Variants in AP2A1 observed in about 807,000 individuals in gnomAD.
The protein encoded by AP2A1 is AP-2 complex subunit alpha-1.
A neutral mutation model predicts 107.3 loss-of-function variants in AP2A1; 21 were observed. That is an observed-to-expected ratio of 0.20 (90% CI 0.14 to 0.28). The LOEUF (loss-of-function observed/expected upper bound fraction) is 0.28, where lower values mean the gene tolerates loss of function less well. Among genes scored for constraint, AP2A1 ranks in the 10% least tolerant of loss-of-function variants. The pLI is 1.00. For missense variants in AP2A1, 873 were observed against 1,307.7 expected (o/e 0.67, Z 5.13); for synonymous variants, 602 against 564.8 (o/e 1.07, Z -0.93).
chr19:49,770,896 G>C (rs893445720), intron 1 of AP2A1, among the ~76,000 whole-genome samples: 7 of 152,128 alleles, frequency 4.6e-5, no homozygotes, highest in Non-Finnish European at 7.4e-5. Flanking sequence ...CTGTCGCCCA[G>C]GCTGGAGTGC....
chr19:49,768,727 G>C (rs1472696020), intron 1 of AP2A1, among the ~76,000 whole-genome samples: 1 of 152,114 alleles, frequency 6.6e-6, no homozygotes, highest in Non-Finnish European at 1.5e-5. Flanking sequence ...GGAGGAGCTG[G>C]GAGCCACTGT....
Position 49,806,262 on chromosome 19 carries a change from T to C in AP2A1, c.2790+9T>C. 1.9e-6 allele frequency: 3 copies of C among 1,595,094 alleles called. No individual in the cohort carries two copies. Among genetic ancestry groups the C allele is most frequent in the Non-Finnish European group, 2.6e-6 (3 of 1,170,252 alleles). ...CCAATGCCCAGGCCCAGGTGAGTGC[T>C]GCTGTGGGAGGCCTGAGGCCGGCAG... On this transcript the variant is annotated intron_variant, in intron 22 of 22. Coordinates refer to ENST00000354293, the MANE Select transcript of AP2A1 (RefSeq NM_130787.3).
intron 15 of AP2A1, chr19:49,802,645 G>C: frequency 6.7e-7 from 1 of 1,494,296 alleles, no homozygotes; most frequent in Non-Finnish European, 8.9e-7. Flanking sequence ...GGGCGGACTC[G>C]GGTGTCCCCA....
Position 49,806,271 on chromosome 19 carries a change from A to G in AP2A1, c.2790+18A>G. On this transcript the variant is annotated intron_variant, in intron 22 of 22. Transcript: ENST00000354293. Reference sequence around the variant, plus strand: ...AGGCCCAGGTGAGTGCTGCTGTGGGAGGCCTGAGGCCGGCAGGAAGGCCGC... The same window carrying G: ...AGGCCCAGGTGAGTGCTGCTGTGGGGGGCCTGAGGCCGGCAGGAAGGCCGC... 6.3e-7 allele frequency: 1 copy of G among 1,581,758 alleles called. No homozygotes were observed. Among genetic ancestry groups the G allele is most frequent in the Non-Finnish European group, 8.6e-7 (1 of 1,163,222 alleles).
At chr19:49,767,248 G>T in intron 1 of AP2A1, 48 bp downstream of exon 1, 1 of 1,599,602 alleles carries the variant, frequency 6.3e-7, no homozygotes, top group Non-Finnish European at 8.5e-7. Context: ...AGGGGGGAGC[G>T]TGAAATTGAG....
rs1294492857 is a variant in AP2A1 at position 49,792,983 on chromosome 19, C to A, written c.604-8C>A. 6.3e-7 allele frequency: 1 copy of A among 1,591,870 alleles called. No individual in the cohort carries two copies. Among genetic ancestry groups the A allele is most frequent in the Non-Finnish European group, 8.6e-7 (1 of 1,169,438 alleles). ...GGGGCCTGACTTGTCTCTCCTCTGC[C>A]CCTGCAGGGTGTGGTCACGGCCGCC... On this transcript the variant is annotated splice_region_variant and splice_polypyrimidine_tract_variant and intron_variant, in intron 5 of 22. Coordinates refer to ENST00000354293, the MANE Select transcript of AP2A1 (RefSeq NM_130787.3).
At chr19:49,781,726 C>G in intron 1 of AP2A1, 31 bp from the exon 2 acceptor site, 1 of 1,565,940 alleles carries the variant, frequency 6.4e-7, no homozygotes, top group Non-Finnish European at 8.7e-7. Context: ...CCCCAGACCC[C>G]TCACTGCCTA....
chr19:49,799,671 C>T lies in AP2A1; in HGVS notation c.1177C>T (p.Leu393Phe). 6.2e-7 allele frequency: 1 copy of T among 1,612,678 alleles called. No homozygotes were observed. The highest frequency in any genetic ancestry group is 8.5e-7 in the Non-Finnish European group (1 of 1,179,888). ...CGTGCGGCAGCGGGCGGCTGACCTC[C>T]TCTACGCCATGTGTGACCGGAGCAA... ...VSVRQRAADL[L>F]YAMCDRSNAK... Residue 393 changes from leucine (L) to phenylalanine (F), a missense_variant, in exon 10 of 23, where the codon CTC becomes TTC. Physicochemically the swap from Leu to Phe is conservative, Grantham distance 22 (BLOSUM62 0). Coordinates refer to ENST00000354293, the MANE Select transcript of AP2A1 (RefSeq NM_130787.3).
rs1219732399 is a variant in AP2A1 at position 49,799,339 on chromosome 19, C to T, written c.978C>T (p.Leu326=). The change falls in exon 9 of 23, where the codon CTC becomes CTT. Residue 326 remains leucine, a synonymous_variant. Coordinates refer to ENST00000354293, the MANE Select transcript of AP2A1 (RefSeq NM_130787.3). The stretch of plus-strand genomic sequence containing the variant: ...CCCCTGCTGGCAGTGAGCCCAACCT[C>T]CTGGTTCGGGCCTGCAACCAGCTGG... The part of the protein sequence containing the change: ...LIIHYDSEPN[L]LVRACNQLGQ... The T allele has an allele frequency of 2.5e-6, 4 of 1,610,880 alleles. No homozygotes were observed. Among genetic ancestry groups the T allele is most frequent in the Non-Finnish European group, 3.4e-6 (4 of 1,179,466 alleles).
intron 6 of AP2A1, among the ~76,000 whole-genome samples, chr19:49,793,905 T>TC (rs1282204486): frequency 1.5e-5 from 2 of 132,802 alleles, no homozygotes; most frequent in Admixed American, 7.4e-5. Context: ...TTTCTTTTTT[T>TC]TTTTTTTTTT....
intron 4 of AP2A1, among the ~76,000 whole-genome samples, chr19:49,787,185 C>CTT (rs540869888): frequency 7.0e-6 from 1 of 142,348 alleles, no homozygotes. Context: ...TTTTGTATTT[C>CTT]TTTTTTTTTT....
chr19:49,793,799 A>C (rs1353850393), intron 6 of AP2A1, among the ~76,000 whole-genome samples: 1 of 151,264 alleles, frequency 6.6e-6, no homozygotes, highest in Non-Finnish European at 1.5e-5. Flanking sequence ...CAGAATTGAG[A>C]CTTAGAATAC....
chr19:49,791,113 C>T (rs960367883), intron 4 of AP2A1, among the ~76,000 whole-genome samples: 6 of 152,268 alleles, frequency 3.9e-5, no homozygotes, highest in Admixed American at 1.3e-4. Flanking sequence ...CTCCTACACA[C>T]GGGCTCCGCC....
Position 49,801,501 on chromosome 19 carries a change from C to G in AP2A1, c.1665C>G (p.Thr555=). 6.2e-7 allele frequency: 1 copy of G among 1,613,802 alleles called. No individual in the cohort carries two copies. Among genetic ancestry groups the G allele is most frequent in the South Asian group, 1.1e-5 (1 of 91,084 alleles). The change falls in exon 13 of 23, where the codon ACC becomes ACG. Residue 555 remains threonine, a synonymous_variant. Coordinates refer to ENST00000354293, the MANE Select transcript of AP2A1 (RefSeq NM_130787.3). The part of the protein sequence containing the change: ...YIKFINLFPE[T]KATIQGVLRA... The stretch of plus-strand genomic sequence containing the variant: ...AGTTCATCAACCTCTTCCCCGAGAC[C>G]AAGGCCACCATCCAGGGCGTCCTGC...
Position 49,806,979 on chromosome 19 carries a change from C to A in AP2A1, c.*221C>A, listed in dbSNP as rs752288488. On this transcript the variant is annotated 3_prime_UTR_variant, in exon 23 of 23. Transcript: ENST00000354293. ...AGTCCCCCTCCCTCCCTTTCCCCCC[C>A]AAGCACAGAGGGGAGAGGGGCCAGG... The A allele has an allele frequency of 4.2e-5, 65 of 1,530,146 alleles. No homozygotes were observed. The African/African-American group carries it at 8.5e-4, about 20-fold the overall frequency. The allele number at this position is 1,530,146 out of a possible 1,614,324, so 94.8% of individuals were successfully genotyped here.
chr19:49,803,472 CCT>C lies in AP2A1; in HGVS notation c.2344+101_2344+102del, dbSNP rs2073319332. 4 of 991,466 alleles carry C rather than the reference CCT, an allele frequency of 4.0e-6. No individual in the cohort carries two copies. The East Asian group carries it at 9.8e-5, about 24-fold the overall frequency. The allele number at this position is 991,466 out of a possible 1,614,324, so 61.4% of individuals were successfully genotyped here. Reference sequence around the variant, plus strand: ...GACCCAGGTCCACACTTCTCTTCAGCCTCTCTTGGGCACGCAATTAGTTCTCT... The same window carrying C: ...GACCCAGGTCCACACTTCTCTTCAGCCTCTTGGGCACGCAATTAGTTCTCT... On this transcript the variant is annotated intron_variant, in intron 18 of 22. Transcript: ENST00000354293.
chr19:49,798,858 GC>G lies in AP2A1; in HGVS notation c.874del (p.Gln292ArgfsTer135). The G allele has an allele frequency of 1.3e-6, 2 of 1,598,376 alleles. No homozygotes were observed. The highest frequency in any genetic ancestry group is 1.7e-6 in the Non-Finnish European group (2 of 1,172,692). ...VECLETVLNK[A>X]QEPPKSKKVQ... ...ATGTCTGGAGACTGTGCTCAACAAGGCCCAGGAGCCCCCCAAATCCAAGAAG... is the reference window on the plus strand; with the variant it reads ...ATGTCTGGAGACTGTGCTCAACAAGGCCAGGAGCCCCCCAAATCCAAGAAG... On this transcript the variant is annotated frameshift_variant, in exon 8 of 23. Transcript: ENST00000354293. LOFTEE classifies it high-confidence loss of function.
chr19:49,801,227 C>CA (rs1290985802), intron 12 of AP2A1, among the ~76,000 whole-genome samples, 163 bp from the exon 13 acceptor site: 1 of 152,170 alleles, frequency 6.6e-6, no homozygotes, highest in African/African-American at 2.4e-5. Context: ...GGATCGTGGA[C>CA]AGAGTGTGAC....
rs1437761857 is a variant in AP2A1 at position 49,801,985 on chromosome 19, C to G, written c.1958C>G (p.Thr653Arg). ...CGTGACCTGCGCTTCCTACAGTCGA[C>G]GCCCTCGCCCTCCGCCGACCTCCTG... ...GMEPTPSTVS[T>R]PSPSADLLGL... The change falls in exon 15 of 23, where the codon ACG becomes AGG. Residue 653 changes from threonine to arginine, a missense_variant. Physicochemically the swap from Thr to Arg is moderately conservative, Grantham distance 71. Transcript: ENST00000354293. 6.6e-7 allele frequency: 1 copy of G among 1,507,202 alleles called. No homozygotes were observed. Among genetic ancestry groups the G allele is most frequent in the Non-Finnish European group, 8.8e-7 (1 of 1,132,746 alleles). The allele number at this position is 1,507,202 out of a possible 1,614,324, so 93.4% of individuals were successfully genotyped here. A position where few individuals can be genotyped will look rare whatever the true frequency, so the allele number is the denominator to read the frequency against.
Sources: allele counts gnomAD v4.1 joint callset (sites outside exome capture counted in the v4.1 genomes callset), GRCh38; gene constraint gnomAD v4.1.1; transcripts MANE v1.5; gene names NCBI Gene and HGNC (gene_info 2026-07-23, HGNC 2026-07-21).